Variants in OSBPL5 observed in about 807,000 individuals in gnomAD.
The protein encoded by OSBPL5 is oxysterol binding protein like 5.
A neutral mutation model predicts 111.2 loss-of-function variants in OSBPL5; 71 were observed. That is an observed-to-expected ratio of 0.64 (90% CI 0.53 to 0.78). The LOEUF (loss-of-function observed/expected upper bound fraction) is 0.78, where lower values mean the gene tolerates loss of function less well. Among genes scored for constraint, OSBPL5 ranks in the 30% least tolerant of loss-of-function variants. The probability of loss-of-function intolerance (pLI) is 0.00; values close to 1 mark genes in which losing one functional copy is unlikely to be tolerated. For synonymous variants in OSBPL5, 549 were observed against 513.9 expected (o/e 1.07, Z -0.93); for missense variants, 1,210 against 1,189.3 (o/e 1.02, Z -0.26).
chr11:3,092,360 G>T lies in OSBPL5; in HGVS notation c.2259+72C>A. 1.4e-6 allele frequency: 2 copies of T among 1,479,564 alleles called. No individual in the cohort carries two copies. Among genetic ancestry groups the T allele is most frequent in the Non-Finnish European group, 9.0e-7 (1 of 1,109,760 alleles). 91.7% of individuals were successfully genotyped at this position (1,479,564 alleles called of 1,614,324 possible). A position where few individuals can be genotyped will look rare whatever the true frequency, so the allele number is the denominator to read the frequency against. On this transcript the variant is annotated intron_variant, in intron 19 of 21. Transcript: ENST00000263650. The surrounding 1 kb of genome is among the most constrained non-coding windows in gnomAD (Gnocchi z 5.4). ...AGCGAGGGGAAGGGAGGAGTGAGGT[G>T]AGGAGCGAGGGGTGGTGGTGGCCAC...
chr11:3,118,281 C>T (rs1460864345), intron 7 of OSBPL5, among the ~76,000 whole-genome samples: 1 of 152,216 alleles, frequency 6.6e-6, no homozygotes, highest in Non-Finnish European at 1.5e-5. Flanking sequence ...CCCCTCTGCT[C>T]ACTGAGATAA....
At position 3,121,890 on chromosome 11, in the gene OSBPL5, A is replaced by G; in HGVS notation, c.402+107T>C. 1 of 953,560 alleles carries G rather than the reference A, an allele frequency of 1.0e-6. No individual in the cohort carries two copies. Among genetic ancestry groups the G allele is most frequent in the Admixed American group, 2.1e-5 (1 of 48,154 alleles). 59.1% of individuals were successfully genotyped at this position (953,560 alleles called of 1,614,324 possible). A position where few individuals can be genotyped will look rare whatever the true frequency, so the allele number is the denominator to read the frequency against. Reference sequence around the variant, plus strand: ...GGCTGCAGTGATAACGGCTAGATGCAGGGAAGTGAATTTCCATCGTTTCAG... The same window carrying G: ...GGCTGCAGTGATAACGGCTAGATGCGGGGAAGTGAATTTCCATCGTTTCAG... On this transcript the variant is annotated intron_variant, in intron 5 of 21. Transcript: ENST00000263650. This position sits in a 1 kb window ranked among gnomAD's most constrained non-coding sequence, Gnocchi z 4.3.
Position 3,106,342 on chromosome 11 carries a change from G to A in OSBPL5, c.1059+921C>T, listed in dbSNP as rs537558028. Among the ~76,000 whole-genome samples the A allele has an allele frequency of 7.2e-5, 11 of 152,108 alleles. No homozygotes were observed. The highest frequency in any genetic ancestry group is 1.4e-4 in the African/African-American group (6 of 41,492). On this transcript the variant is annotated intron_variant, in intron 9 of 21. Transcript: ENST00000263650. This position sits in a 1 kb window ranked among gnomAD's most constrained non-coding sequence, Gnocchi z 8.4. ...ACAGCCACGGCCTTGCTCTTGTCTC[G>A]CCTCCCGGGTGAGAATGACAAGATC...
At chr11:3,103,403 T>C in intron 10 of OSBPL5, 83 bp from the exon 11 acceptor site, 1 of 1,274,730 alleles carries the variant, frequency 7.8e-7, no homozygotes, top group Non-Finnish European at 1.1e-6. Context: ...CCTCCTACCA[T>C]CCCGACCTCC....
intron 1 of OSBPL5, among the ~76,000 whole-genome samples, chr11:3,156,723 G>A (rs754217250): frequency 6.6e-6 from 1 of 152,234 alleles, no homozygotes; most frequent in South Asian, 2.1e-4. Context: ...TTTCATTAAC[G>A]ATATAGGCGT....
chr11:3,131,314 C>T (rs925208506), intron 1 of OSBPL5, among the ~76,000 whole-genome samples: 1 of 152,146 alleles, frequency 6.6e-6, no homozygotes, highest in African/African-American at 2.4e-5. Context: ...TTGTATCCCT[C>T]CATCTATACA....
rs1360778399 is a variant in OSBPL5, at chr11:3,154,178, G to A, written c.-22+11038C>T. Among the ~76,000 whole-genome samples the A allele has an allele frequency of 6.6e-6, 1 of 152,258 alleles. No homozygotes were observed. The highest frequency in any genetic ancestry group is 1.5e-5 in the Non-Finnish European group (1 of 68,052). On this transcript the variant is annotated intron_variant, in intron 1 of 21. Transcript: ENST00000263650. The surrounding 1 kb of genome is among the most constrained non-coding windows in gnomAD (Gnocchi z 4.9). ...AGGTGTTTGCTAGACTGGGCCAGAG[G>A]GCAAAGGTGAAGGGGCGGCTGACAC...
intron 6 of OSBPL5, among the ~76,000 whole-genome samples, 185 bp downstream of exon 6, chr11:3,120,236 C>T (rs1214410209): frequency 1.3e-5 from 2 of 152,172 alleles, no homozygotes; most frequent in Admixed American, 6.5e-5. Flanking sequence ...CTGTGTGCTT[C>T]ACATGGAGCA....
chr11:3,141,781 C>T lies in OSBPL5; in HGVS notation c.-21-12612G>A, dbSNP rs372888230. On this transcript the variant is annotated intron_variant, in intron 1 of 21. Coordinates refer to ENST00000263650, the MANE Select transcript of OSBPL5 (RefSeq NM_020896.4). The surrounding 1 kb of genome is among the most constrained non-coding windows in gnomAD (Gnocchi z 6.5). ...CTAAATGGGGTGACAGTAGGAACAC[C>T]CACCCCCCACCCGCCTCCCACCCAG... is the stretch of plus-strand genomic sequence containing the variant. 5.2e-3 allele frequency among the ~76,000 whole-genome samples: 718 copies of T among 137,256 alleles called. 5 individuals are homozygous for T. The highest frequency in any genetic ancestry group is 0.018 in the African/African-American group (684 of 38,336). The allele number at this position is 137,256 out of a possible 152,430, so 90.0% of individuals were successfully genotyped here.
rs1376894091 is a variant in OSBPL5 at position 3,103,804 on chromosome 11, C to T, written c.1244+389G>A. Among the ~76,000 whole-genome samples the T allele has an allele frequency of 3.3e-4, 15 of 45,560 alleles. 2 individuals are homozygous for T. The Middle Eastern group carries it at 0.039, about 120-fold the overall frequency. The allele number at this position is 45,560 out of a possible 152,430, so 29.9% of individuals were successfully genotyped here. A position where few individuals can be genotyped will look rare whatever the true frequency, so the allele number is the denominator to read the frequency against. On this transcript the variant is annotated intron_variant, in intron 10 of 21. Coordinates refer to ENST00000263650, the MANE Select transcript of OSBPL5 (RefSeq NM_020896.4). Reference sequence around the variant, plus strand: ...CTGCAGTCCCTTCCTGCCTCTGCAGCCCTCTTCCTGCCTGCGCAGCCCCCT... The same window carrying T: ...CTGCAGTCCCTTCCTGCCTCTGCAGTCCTCTTCCTGCCTGCGCAGCCCCCT...
rs149539136 is a variant in OSBPL5, at chr11:3,098,312, T to C, written c.1621+1846A>G. The stretch of plus-strand genomic sequence containing the variant: ...AGGAGATGGTTCAAATTCTGTCTCA[T>C]TGGAGTTCTAGGAAAAATGGAGAAA... On this transcript the variant is annotated intron_variant, in intron 14 of 21. Coordinates refer to ENST00000263650, the MANE Select transcript of OSBPL5 (RefSeq NM_020896.4). Among the ~76,000 whole-genome samples the C allele has an allele frequency of 4.0e-3, 609 of 151,666 alleles. 5 individuals carry two copies. Among genetic ancestry groups the C allele is most frequent in the African/African-American group, 0.014 (580 of 41,290 alleles).
intron 1 of OSBPL5, among the ~76,000 whole-genome samples, chr11:3,137,634 G>A (rs1338778872): frequency 6.6e-6 from 1 of 152,292 alleles, no homozygotes; most frequent in East Asian, 1.9e-4. Context: ...GCAACATAGC[G>A]AGACCCTGTC....
In OSBPL5 at chr11:3,142,247, A is replaced by C. The variant is rs1846146301; in HGVS notation, c.-21-13078T>G. On this transcript the variant is annotated intron_variant, in intron 1 of 21. Transcript: ENST00000263650. The surrounding 1 kb of genome is among the most constrained non-coding windows in gnomAD (Gnocchi z 7.1). ...AGCTGGTTTCTGAGGCCAAGAGAAG[A>C]AGCTGACTCGCCCAGGGCCACACGG... 1.3e-5 allele frequency among the ~76,000 whole-genome samples: 2 copies of C among 152,214 alleles called. No individual in the cohort carries two copies. The highest frequency in any genetic ancestry group is 4.8e-5 in the African/African-American group (2 of 41,456).
intron 7 of OSBPL5, among the ~76,000 whole-genome samples, chr11:3,111,838 C>T (rs1051005796): frequency 6.6e-6 from 1 of 152,168 alleles, no homozygotes; most frequent in Non-Finnish European, 1.5e-5. Context: ...AATGACTGTA[C>T]TTCTGTGTCC....
chr11:3,133,988 G>C (rs57744724), intron 1 of OSBPL5, among the ~76,000 whole-genome samples: 1 of 151,966 alleles, frequency 6.6e-6, no homozygotes, highest in Non-Finnish European at 1.5e-5. Flanking sequence ...TTGGTGGGGG[G>C]GGGGTCACTA....
chr11:3,147,501 G>A (rs1163436996), intron 1 of OSBPL5, among the ~76,000 whole-genome samples: 1 of 152,248 alleles, frequency 6.6e-6, no homozygotes, highest in Non-Finnish European at 1.5e-5. Flanking sequence ...TGGGCACATA[G>A]CCCCGTGCAG....
intron 5 of OSBPL5, among the ~76,000 whole-genome samples, 156 bp from the exon 6 acceptor site, chr11:3,120,780 T>C (rs1485136980): frequency 6.6e-6 from 1 of 152,120 alleles, no homozygotes; most frequent in East Asian, 1.9e-4. Context: ...AACTCACCCC[T>C]TCCTCACCCT....
Position 3,122,393 on chromosome 11 carries a change from T to G in OSBPL5, c.255A>C (p.Glu85Asp). The change falls in exon 4 of 22, where the codon GAA (glutamate) becomes GAC (aspartate). Residue 85 changes from glutamate (E) to aspartate (D), a missense_variant. By Grantham distance (45) the Glu-to-Asp change is conservative. Coordinates refer to ENST00000263650, the MANE Select transcript of OSBPL5 (RefSeq NM_020896.4). ...EYRLCNGSDK[E>D]CVSPTARVTK... ...TGACCCTGGCGGTGGGGGACACACATTCCTTGTCTGACCCGTTGCACAGCC... is the reference window on the plus strand; with the variant it reads ...TGACCCTGGCGGTGGGGGACACACAGTCCTTGTCTGACCCGTTGCACAGCC... 1 of 1,613,712 alleles carries G rather than the reference T, an allele frequency of 6.2e-7. No homozygotes were observed. Among genetic ancestry groups the G allele is most frequent in the Non-Finnish European group, 8.5e-7 (1 of 1,179,910 alleles).
At chr11:3,122,850 T>A (rs535326978) in intron 3 of OSBPL5, among the ~76,000 whole-genome samples, 2 of 152,246 alleles carry the variant, frequency 1.3e-5, no homozygotes, top group Admixed American at 1.3e-4. Flanking sequence ...AGGGTGGAGT[T>A]CGCAGAAGAG....
Sources: allele counts gnomAD v4.1 joint callset (sites outside exome capture counted in the v4.1 genomes callset), GRCh38; gene constraint gnomAD v4.1.1; non-coding constraint Gnocchi (gnomAD v3.1); transcripts MANE v1.5; gene names NCBI Gene and HGNC (gene_info 2026-07-23, HGNC 2026-07-21).